Variants in ROBO2 observed in about 807,000 individuals in gnomAD.
ROBO2 encodes the protein roundabout guidance receptor 2.
A neutral mutation model predicts 160.8 loss-of-function variants in ROBO2; 53 were observed. The observed-to-expected ratio is 0.33, with a 90% confidence interval of 0.26 to 0.41. The LOEUF is 0.41. Among genes scored for constraint, ROBO2 ranks in the 10% least tolerant of loss-of-function variants. The pLI is 1.00. For synonymous variants in ROBO2, 664 were observed against 611.7 expected, an observed-to-expected ratio of 1.09 and a Z score of -1.26; for missense variants, 1,577 against 1,722.4, an observed-to-expected ratio of 0.92 and a Z score of 1.49.
chr3:75,992,801 C>A (rs548673923), intron 2 of ROBO2, among the ~76,000 whole-genome samples: 2 of 152,344 alleles, frequency 1.3e-5, no homozygotes, highest in South Asian at 4.1e-4. Flanking sequence ...CTGCCCAAGA[C>A]CATGCTAATC....
At chr3:76,136,090 C>T (rs1471771055) in intron 2 of ROBO2, among the ~76,000 whole-genome samples, 1 of 152,102 alleles carries the variant, frequency 6.6e-6, no homozygotes. Context: ...ACGTCGTAGA[C>T]AGCTTGAAAA....
chr3:76,282,560 T>C (rs1708285968), intron 2 of ROBO2, among the ~76,000 whole-genome samples: 1 of 152,120 alleles, frequency 6.6e-6, no homozygotes, highest in African/African-American at 2.4e-5. Flanking sequence ...TTTATGATTA[T>C]TACTATGCAT....
intron 2 of ROBO2, among the ~76,000 whole-genome samples, chr3:76,262,277 T>G (rs1706818633): frequency 6.6e-6 from 1 of 152,124 alleles, no homozygotes; most frequent in African/African-American, 2.4e-5. Context: ...GTGACTTACA[T>G]AAAATTTAAC....
At chr3:76,000,321 G>A (rs148993788) in intron 2 of ROBO2, among the ~76,000 whole-genome samples, 1,600 of 152,066 alleles carry the variant, frequency 0.011, 18 homozygotes, top group Middle Eastern at 0.041. Flanking sequence ...TTAAGCACAC[G>A]GGACCCATAA....
rs145750948 is a variant in ROBO2, at chr3:77,167,035, A to G, written c.388+68695A>G. Among the ~76,000 whole-genome samples, 257 of 152,312 alleles carry G rather than the reference A, an allele frequency of 1.7e-3. 1 individual carries two copies. Among genetic ancestry groups the G allele is most frequent in the African/African-American group, 5.9e-3 (246 of 41,558 alleles). ...GGCCCGTAGGAGGTACCAAATGGTG[A>G]TAAGTTCATTATACTATCAGTTTAA... On this transcript the variant is annotated intron_variant, in intron 2 of 25. Coordinates refer to ENST00000461745, the Ensembl canonical transcript of ROBO2.
At chr3:77,498,909 A>G (rs2087159578) in intron 5 of ROBO2, among the ~76,000 whole-genome samples, 1 of 152,234 alleles carries the variant, frequency 6.6e-6, no homozygotes, top group South Asian at 2.1e-4. Flanking sequence ...ATCTAAGAAC[A>G]GGAGAAAAGC....
At chr3:77,354,935 G>A (rs1314728203) in intron 2 of ROBO2, among the ~76,000 whole-genome samples, 1 of 152,164 alleles carries the variant, frequency 6.6e-6, no homozygotes, top group Non-Finnish European at 1.5e-5. Flanking sequence ...AATACCGAAG[G>A]TTTCTTTGTT....
chr3:77,140,545 A>G (rs1427833540), intron 2 of ROBO2, among the ~76,000 whole-genome samples: 1 of 152,200 alleles, frequency 6.6e-6, no homozygotes, highest in African/African-American at 2.4e-5. Context: ...TATGGTGGTA[A>G]CTGGGTGCTA....
chr3:77,318,714 C>T (rs980590605), intron 2 of ROBO2, among the ~76,000 whole-genome samples: 3 of 152,034 alleles, frequency 2.0e-5, no homozygotes, highest in Non-Finnish European at 4.4e-5. Flanking sequence ...TTAGATAATA[C>T]ATGTAAAGTG....
intron 2 of ROBO2, among the ~76,000 whole-genome samples, chr3:76,970,951 A>T (rs1378128228): frequency 1.2e-4 from 18 of 152,186 alleles, no homozygotes; most frequent in Admixed American, 1.2e-3. Context: ...AGTAAAATTG[A>T]GTTGGATAAG....
intron 24 of ROBO2, among the ~76,000 whole-genome samples, chr3:77,638,512 T>C (rs2095300056): frequency 6.6e-6 from 1 of 152,110 alleles, no homozygotes; most frequent in Admixed American, 6.5e-5. Context: ...TCAAACTAAC[T>C]ACTGGGGTGA....
chr3:77,477,830 C>CTTTTTTTTT (rs11371687), intron 3 of ROBO2, among the ~76,000 whole-genome samples: 5 of 84,472 alleles, frequency 5.9e-5, no homozygotes, highest in Non-Finnish European at 1.1e-4. Flanking sequence ...TATTTTAGCT[C>CTTTTTTTTT]TTTTTTTTTT....
intron 2 of ROBO2, among the ~76,000 whole-genome samples, chr3:77,402,284 C>T (rs1299188283): frequency 2.0e-5 from 3 of 151,870 alleles, no homozygotes; most frequent in African/African-American, 4.8e-5. Flanking sequence ...CGGGGCCTGT[C>T]TGGAGTGGGG....
chr3:77,127,373 T>A (rs555167509), intron 2 of ROBO2, among the ~76,000 whole-genome samples: 5 of 152,294 alleles, frequency 3.3e-5, no homozygotes, highest in Non-Finnish European at 7.3e-5. Flanking sequence ...TTGTACATAC[T>A]GAACTTTTTC....
intron 2 of ROBO2, among the ~76,000 whole-genome samples, chr3:76,896,823 G>C (rs1327166816): frequency 6.6e-6 from 1 of 152,072 alleles, no homozygotes; most frequent in African/African-American, 2.4e-5. Flanking sequence ...TGAGGACTTA[G>C]GAGAATTTCT....
Position 76,861,024 on chromosome 3 carries a change from G to C in ROBO2, c.110-236990G>C, listed in dbSNP as rs141582005. 3.3e-5 allele frequency among the ~76,000 whole-genome samples: 5 copies of C among 152,154 alleles called. No homozygotes were observed. The South Asian group carries it at 1.0e-3, about 32-fold the overall frequency. On this transcript the variant is annotated intron_variant, in intron 2 of 26. Coordinates refer to the ROBO2 transcript ENST00000487694. ...GATGACTCTCAGCAAGCTCACTGGC[G>C]ACCTCCAAAATTTCCATCCAGTCAA...
chr3:75,924,573 T>C (rs2106865181), intron 1 of ROBO2, among the ~76,000 whole-genome samples: 1 of 152,288 alleles, frequency 6.6e-6, no homozygotes, highest in East Asian at 1.9e-4. Context: ...TTTGTGTTAA[T>C]TTATTATGAG....
At chr3:77,515,889 A>G (rs1313204393) in intron 5 of ROBO2, among the ~76,000 whole-genome samples, 1 of 151,702 alleles carries the variant, frequency 6.6e-6, no homozygotes, top group Non-Finnish European at 1.5e-5. Flanking sequence ...GACTAGGCTC[A>G]ATAATTTTGA....
At chr3:76,540,529 T>C (rs959117091) in intron 2 of ROBO2, among the ~76,000 whole-genome samples, 1 of 152,110 alleles carries the variant, frequency 6.6e-6, no homozygotes, top group Admixed American at 6.6e-5. Context: ...TTGACAAAAT[T>C]AAAAACCCCA....
Sources: allele counts gnomAD v4.1 joint callset (sites outside exome capture counted in the v4.1 genomes callset), GRCh38; gene constraint gnomAD v4.1.1; transcripts MANE v1.5; gene names NCBI Gene and HGNC (gene_info 2026-07-23, HGNC 2026-07-21).